THOC7: variants seen among roughly 807,000 people sequenced by gnomAD.
THOC7 encodes the protein NIF3L1-binding protein 1.
Under a neutral mutation model 33.1 loss-of-function variants are expected in THOC7, and 22 were observed. The ratio of observed to expected loss-of-function variants is 0.66; its 90% CI spans 0.47 to 0.95. The LOEUF is 0.95. Ranked by LOEUF, THOC7 falls within the 40% of genes least tolerant of loss-of-function variation. The probability of loss-of-function intolerance (pLI) is 0.00; values close to 1 mark genes in which losing one functional copy is unlikely to be tolerated. For synonymous variants in THOC7, 77 were observed against 76.8 expected (o/e 1.00, Z -0.01); for missense variants, 184 against 245.3 (o/e 0.75, Z 1.67).
intron 5 of THOC7, 38 bp downstream of exon 5, chr3:63,836,263 A>G: frequency 6.3e-7 from 1 of 1,585,286 alleles, no homozygotes. Context: ...ATTTATGTAT[A>G]AAGGTTAGTT....
intron 1 of THOC7, among the ~76,000 whole-genome samples, chr3:63,843,710 C>A (rs906744778): frequency 2.6e-5 from 4 of 152,044 alleles, no homozygotes; most frequent in Non-Finnish European, 4.4e-5. Context: ...ACCATCCTGG[C>A]TAACACAGTG....
In THOC7 at chr3:63,838,074, G is replaced by A. The variant is rs1214093514; in HGVS notation, c.266-12C>T. The A allele has an allele frequency of 1.3e-6, 2 of 1,575,836 alleles. No individual in the cohort carries two copies. Among genetic ancestry groups the A allele is most frequent in the African/African-American group, 1.4e-5 (1 of 72,698 alleles). On this transcript the variant is annotated splice_polypyrimidine_tract_variant and intron_variant, in intron 3 of 7. Transcript: ENST00000295899. ...AGCTATGCTACATTCTATATGAGAA[G>A]GTTTTTTAAAAGATAGTTGTAACAA...
At chr3:63,839,024 C>A (rs1358972078) in intron 2 of THOC7, among the ~76,000 whole-genome samples, 1 of 152,146 alleles carries the variant, frequency 6.6e-6, no homozygotes, top group Non-Finnish European at 1.5e-5. Flanking sequence ...AACCCCATCT[C>A]TACTAAAATA....
chr3:63,850,375 A>G (rs1360019545), intron 1 of THOC7, among the ~76,000 whole-genome samples: 2 of 150,808 alleles, frequency 1.3e-5, no homozygotes, highest in African/African-American at 4.9e-5. Flanking sequence ...TAATTTTTCT[A>G]TTTTTAGGAG....
chr3:63,853,141 A>C (rs1702048425), intron 1 of THOC7, among the ~76,000 whole-genome samples: 1 of 145,192 alleles, frequency 6.9e-6, no homozygotes, highest in African/African-American at 2.6e-5. Flanking sequence ...GCAGAATGAG[A>C]CTCTGTCTCA....
chr3:63,835,267 T>TA, intron 6 of THOC7, 44 bp from the exon 7 acceptor site: 1 of 1,612,564 alleles, frequency 6.2e-7, no homozygotes, highest in Non-Finnish European at 8.5e-7. Context: ...CCTGTATATA[T>TA]AGATATATAG....
intron 1 of THOC7, among the ~76,000 whole-genome samples, chr3:63,862,706 A>G (rs896575953): frequency 6.6e-6 from 1 of 152,112 alleles, no homozygotes; most frequent in African/African-American, 2.4e-5. Context: ...AACTCTTAAG[A>G]AGTGGCCTCT....
chr3:63,843,103 C>G (rs1264252757), intron 1 of THOC7, among the ~76,000 whole-genome samples: 1 of 148,224 alleles, frequency 6.7e-6, no homozygotes, highest in African/African-American at 2.5e-5. Flanking sequence ...CTCCAAAAAC[C>G]GTATGTATAT....
At chr3:63,860,226 G>C (rs560313446) in intron 1 of THOC7, among the ~76,000 whole-genome samples, 1 of 151,250 alleles carries the variant, frequency 6.6e-6, no homozygotes, top group East Asian at 2.0e-4. Context: ...AAATTCTGTA[G>C]TATAGATCAT....
At chr3:63,841,096 G>A (rs995010981) in intron 1 of THOC7, among the ~76,000 whole-genome samples, 24 of 152,182 alleles carry the variant, frequency 1.6e-4, no homozygotes, top group African/African-American at 5.8e-4. Flanking sequence ...AAAGAATAGT[G>A]CAGATATACT....
chr3:63,841,843 T>C (rs1292620696), intron 1 of THOC7, among the ~76,000 whole-genome samples: 2 of 152,198 alleles, frequency 1.3e-5, no homozygotes, highest in Non-Finnish European at 2.9e-5. Flanking sequence ...AAAAGAAGCA[T>C]CTAGTGGGTG....
rs1198348354 is a variant in THOC7 at position 63,838,464 on chromosome 3, G to C, written c.173C>G (p.Ser58Cys). The C allele has an allele frequency of 5.6e-6, 9 of 1,609,922 alleles. No homozygotes were observed. The African/African-American group carries it at 1.1e-4, about 19-fold the overall frequency. Residue 58 changes from serine (S) to cysteine (C), a missense_variant, in exon 3 of 8, where the codon TCT becomes TGT. Ser to Cys is a moderately radical substitution (Grantham distance 112). Coordinates refer to ENST00000295899, the MANE Select transcript of THOC7 (RefSeq NM_025075.4). ...TTTGCCCATTGAAAATTCACATTGA[G>C]ACAGCGTGCTCAGCATACGTTGGTA... ...SQYQRMLSTL[S>C]QCEFSMGKTL...
rs188302067 is a variant in THOC7, at chr3:63,834,639, G to A, written c.548-440C>T. Among the ~76,000 whole-genome samples, 143 of 150,770 alleles carry A rather than the reference G, an allele frequency of 9.5e-4. 2 individuals carry two copies. The East Asian group carries it at 0.024, about 26-fold the overall frequency. On this transcript the variant is annotated intron_variant, in intron 7 of 7. Coordinates refer to ENST00000295899, the MANE Select transcript of THOC7 (RefSeq NM_025075.4). ...TGTGCCACTGCACTCCAGCCTGGGT[G>A]ACAGAGCAAGACTGTCTTAAAAAAA...
At chr3:63,863,001 G>C (rs1017765212) in intron 1 of THOC7, among the ~76,000 whole-genome samples, 2 of 151,638 alleles carry the variant, frequency 1.3e-5, no homozygotes, top group African/African-American at 4.9e-5. Context: ...ATCTTTTATC[G>C]TCCTGATCTA....
intron 1 of THOC7, among the ~76,000 whole-genome samples, chr3:63,844,524 A>T (rs571794157): frequency 2.0e-5 from 3 of 152,242 alleles, no homozygotes; most frequent in Non-Finnish European, 2.9e-5. Flanking sequence ...AAGGAAGTTT[A>T]ATTGCCATCG....
In THOC7 at chr3:63,863,656, G is replaced by A. The variant is rs1488030629; in HGVS notation, c.19+116C>T. The A allele has an allele frequency of 6.6e-6, 8 of 1,221,044 alleles. No homozygotes were observed. In the African/African-American group the frequency reaches 7.9e-5, roughly 12 times the overall value. 75.6% of individuals were successfully genotyped at this position (1,221,044 alleles called of 1,614,324 possible). On this transcript the variant is annotated intron_variant, in intron 1 of 7. Transcript: ENST00000295899. ...GAGGTCGGGAAGGCCGAAGCGCTCT[G>A]GCGAAGAGGCCGGGGAGGCCGAGGG...
intron 1 of THOC7, among the ~76,000 whole-genome samples, chr3:63,851,846 C>T (rs1702025265): frequency 6.6e-6 from 1 of 152,102 alleles, no homozygotes. Flanking sequence ...GATGTCTGGC[C>T]CAATTCTAGA....
intron 1 of THOC7, among the ~76,000 whole-genome samples, chr3:63,845,267 G>C (rs143464582): frequency 0.012 from 1,808 of 152,240 alleles, 15 homozygotes; most frequent in Middle Eastern, 0.034. Flanking sequence ...GGGTACCTAG[G>C]GTTAGTTTGT....
rs1467039855 is a variant in THOC7, at chr3:63,863,485, G to C, written c.19+287C>G. 11 of 1,171,104 alleles carry C rather than the reference G, an allele frequency of 9.4e-6. No homozygotes were observed. The East Asian group carries it at 4.1e-4, about 44-fold the overall frequency. The allele number at this position is 1,171,104 out of a possible 1,614,324, so 72.5% of individuals were successfully genotyped here. ...CACCCACGTGTGTTCCCAGCCCACC[G>C]ACCACGCTCCCGGCACACCCTATAG... On this transcript the variant is annotated intron_variant, in intron 1 of 7. Transcript: ENST00000295899.
Sources: gnomAD v4.1 joint callset for allele counts (sites outside exome capture counted in the v4.1 genomes callset) on GRCh38, gnomAD v4.1.1 for gene constraint, MANE v1.5 for transcripts, NCBI Gene and HGNC (gene_info 2026-07-23, HGNC 2026-07-21) for gene names.